Variants in HIBADH observed in about 807,000 individuals in gnomAD.
The protein encoded by HIBADH is 3-hydroxyisobutyrate dehydrogenase, mitochondrial.
In HIBADH, 25 loss-of-function variants were observed where a neutral mutation model predicts 36.1. The observed-to-expected ratio is 0.69, with a 90% CI of 0.50 to 0.97. HIBADH has a LOEUF of 0.97. Among genes scored for constraint, HIBADH ranks in the 50% least tolerant of loss-of-function variants. The pLI is 0.00. For synonymous variants in HIBADH, 160 were observed against 149.5 expected (o/e 1.07, Z -0.51); for missense variants, 421 against 418.0 (o/e 1.01, Z -0.06).
chr7:27,624,940 C>T (rs1227539269), intron 4 of HIBADH, among the ~76,000 whole-genome samples: 11 of 152,170 alleles, frequency 7.2e-5, no homozygotes, highest in Non-Finnish European at 1.6e-4. Context: ...ACTAAAAAGA[C>T]ACCTTTCCAT....
intron 1 of HIBADH, among the ~76,000 whole-genome samples, chr7:27,657,585 G>C (rs1423066355): frequency 6.6e-6 from 1 of 152,050 alleles, no homozygotes; most frequent in Non-Finnish European, 1.5e-5. Context: ...AGGCCATGTT[G>C]GATGGGCCAA....
intron 4 of HIBADH, among the ~76,000 whole-genome samples, chr7:27,571,664 A>AT (rs1275372144): frequency 2.0e-5 from 3 of 151,334 alleles, no homozygotes; most frequent in South Asian, 2.1e-4. Context: ...GTGTCTGGTA[A>AT]TTTTTTTTTA....
In HIBADH at chr7:27,558,141, T is replaced by C. The variant is rs561449361; in HGVS notation, c.485-15041A>G. Among the ~76,000 whole-genome samples, 6 of 152,298 alleles carry C rather than the reference T, an allele frequency of 3.9e-5. No homozygotes were observed. The South Asian group carries it at 1.0e-3, about 26-fold the overall frequency. On this transcript the variant is annotated intron_variant, in intron 4 of 7. Coordinates refer to ENST00000265395, the MANE Select transcript of HIBADH (RefSeq NM_152740.4). ...TGATGCTTATGGTTTCTATTTTTCT[T>C]GGTGAAACTTCTTAAAGATTTGTCT...
chr7:27,628,369 C>T (rs1010579091), intron 4 of HIBADH, among the ~76,000 whole-genome samples: 1 of 151,820 alleles, frequency 6.6e-6, no homozygotes, highest in Admixed American at 6.6e-5. Flanking sequence ...ATTCTAAAGC[C>T]CACAATCAAG....
intron 1 of HIBADH, among the ~76,000 whole-genome samples, chr7:27,650,965 T>C (rs1786180905): frequency 6.6e-6 from 1 of 152,172 alleles, no homozygotes; most frequent in Non-Finnish European, 1.5e-5. Context: ...AAGCAACGTA[T>C]GGTCCCTGTC....
At position 27,526,214 on chromosome 7, in the gene HIBADH, T is replaced by G. The variant is rs1169729684; in HGVS notation, c.1011A>C (p.Ter337CysextTer29). Reference sequence around the variant, plus strand: ...CAGTGTCCGTGGCCAAAGGGCACACTCAGAAGGTCTCCTCCTCTCGTAGGA... The same window carrying G: ...CAGTGTCCGTGGCCAAAGGGCACACGCAGAAGGTCTCCTCCTCTCGTAGGA... ...FQFLREEETF[*>C] The change falls in exon 8 of 8, where the codon TGA becomes TGC. Residue 337 changes from the stop codon to cysteine, a stop_lost. Coordinates refer to ENST00000265395, the MANE Select transcript of HIBADH (RefSeq NM_152740.4). 6.2e-7 allele frequency: 1 copy of G among 1,607,408 alleles called. No individual in the cohort carries two copies. Among genetic ancestry groups the G allele is most frequent in the Non-Finnish European group, 8.5e-7 (1 of 1,177,148 alleles).
chr7:27,581,579 TAAA>T (rs1411271805), intron 4 of HIBADH, among the ~76,000 whole-genome samples: 2 of 152,200 alleles, frequency 1.3e-5, no homozygotes, highest in Non-Finnish European at 2.9e-5. Flanking sequence ...GTTTAATTGA[TAAA>T]AATTTTATAG....
chr7:27,582,422 T>C (rs1333380948), intron 4 of HIBADH, among the ~76,000 whole-genome samples: 1 of 152,152 alleles, frequency 6.6e-6, no homozygotes, highest in Non-Finnish European at 1.5e-5. Flanking sequence ...TTGCTATAAT[T>C]CTAAAACAAA....
chr7:27,602,427 G>C (rs925452996), intron 4 of HIBADH, among the ~76,000 whole-genome samples: 2 of 152,144 alleles, frequency 1.3e-5, no homozygotes, highest in African/African-American at 4.8e-5. Context: ...AAGAAAGAGT[G>C]CAGGGAAGAA....
chr7:27,536,669 A>T (rs1175966326), intron 6 of HIBADH, among the ~76,000 whole-genome samples: 4 of 152,132 alleles, frequency 2.6e-5, no homozygotes, highest in African/African-American at 9.7e-5. Context: ...TTGCAGTAGA[A>T]CTTCCACAAG....
chr7:27,607,994 G>A (rs951488062), intron 4 of HIBADH, among the ~76,000 whole-genome samples: 3 of 152,046 alleles, frequency 2.0e-5, no homozygotes, highest in African/African-American at 7.2e-5. Flanking sequence ...AAGCATTAGG[G>A]GAAATGAAAT....
intron 7 of HIBADH, 27 bp from the exon 8 acceptor site, chr7:27,526,399 G>C: frequency 1.3e-6 from 2 of 1,585,710 alleles, no homozygotes; most frequent in Non-Finnish European, 1.7e-6. Context: ...GAGAGAACAC[G>C]CTGAGACTGG....
intron 4 of HIBADH, among the ~76,000 whole-genome samples, chr7:27,624,813 T>C (rs1785612327): frequency 1.3e-5 from 2 of 152,130 alleles, no homozygotes; most frequent in Non-Finnish European, 2.9e-5. Flanking sequence ...AAAATGGGAG[T>C]ATCACTGCTT....
intron 4 of HIBADH, among the ~76,000 whole-genome samples, chr7:27,605,217 T>C (rs1025191204): frequency 6.6e-6 from 1 of 152,124 alleles, no homozygotes; most frequent in African/African-American, 2.4e-5. Context: ...ATGAGCCTTT[T>C]TTTATTGTGC....
At chr7:27,662,668 G>A (rs930497131) in intron 1 of HIBADH, 30 bp downstream of exon 1, 2 of 1,261,822 alleles carry the variant, frequency 1.6e-6, no homozygotes, top group African/African-American at 3.1e-5. Flanking sequence ...CCGAAAGAAG[G>A]ACAAGGGGGA....
At chr7:27,658,071 TAGG>T (rs1410598968) in intron 1 of HIBADH, among the ~76,000 whole-genome samples, 1 of 151,934 alleles carries the variant, frequency 6.6e-6, no homozygotes, top group Admixed American at 6.5e-5. Context: ...TAGATGACTG[TAGG>T]AGAAGCCCTG....
At chr7:27,656,572 G>GA (rs1342563604) in intron 1 of HIBADH, among the ~76,000 whole-genome samples, 2 of 152,038 alleles carry the variant, frequency 1.3e-5, no homozygotes, top group South Asian at 2.1e-4. Flanking sequence ...TATAAGAGAA[G>GA]AAAAAATGAT....
chr7:27,559,967 T>C (rs889942498), intron 4 of HIBADH, among the ~76,000 whole-genome samples: 3 of 152,236 alleles, frequency 2.0e-5, no homozygotes, highest in South Asian at 2.1e-4. Flanking sequence ...TTCACTGATA[T>C]ATAATAATGC....
chr7:27,585,269 ATGTG>A (rs763042205), intron 4 of HIBADH, among the ~76,000 whole-genome samples: 13 of 142,722 alleles, frequency 9.1e-5, no homozygotes, highest in Non-Finnish European at 1.7e-4. Flanking sequence ...GTGTGTATGT[ATGTG>A]TATGTATATG....
Sources: allele counts gnomAD v4.1 joint callset (sites outside exome capture counted in the v4.1 genomes callset), GRCh38; gene constraint gnomAD v4.1.1; transcripts MANE v1.5; gene names NCBI Gene and HGNC (gene_info 2026-07-23, HGNC 2026-07-21).